Variants in BAZ2B observed in about 807,000 individuals in gnomAD.
BAZ2B encodes bromodomain adjacent to zinc finger domain 2B.
Under a neutral mutation model 246.0 loss-of-function variants are expected in BAZ2B, and 91 were observed. The ratio of observed to expected loss-of-function variants is 0.37; its 90% CI spans 0.31 to 0.44. The LOEUF (loss-of-function observed/expected upper bound fraction) is 0.44, where lower values mean the gene tolerates loss of function less well. BAZ2B is among the 20% of genes least tolerant of loss of function. The pLI is 1.00. For missense variants in BAZ2B, 2,332 were observed against 2,533.7 expected, an observed-to-expected ratio of 0.92 and a Z score of 1.71; for synonymous variants, 855 against 860.0, an observed-to-expected ratio of 0.99 and a Z score of 0.10.
At chr2:159,596,018 T>A (rs189729587) in intron 1 of BAZ2B, among the ~76,000 whole-genome samples, 1 of 152,250 alleles carries the variant, frequency 6.6e-6, no homozygotes, top group Non-Finnish European at 1.5e-5. Flanking sequence ...TTAAACACTT[T>A]AAATAAATTT....
intron 1 of BAZ2B, among the ~76,000 whole-genome samples, chr2:159,562,867 A>G (rs2090012423): frequency 6.6e-6 from 1 of 152,156 alleles, no homozygotes; most frequent in Non-Finnish European, 1.5e-5. Context: ...TGACCCTCGC[A>G]AGATTGCTTT....
intron 23 of BAZ2B, 92 bp from the exon 24 acceptor site, chr2:159,383,772 T>C (rs2062289491): frequency 4.5e-6 from 5 of 1,104,760 alleles, no homozygotes; most frequent in Non-Finnish European, 6.6e-6. Context: ...CGTAAATTAA[T>C]GCATTTTTGA....
Position 159,526,459 on chromosome 2 carries a change from A to C in BAZ2B, c.-3+29364T>G, listed in dbSNP as rs112981672. Among the ~76,000 whole-genome samples the C allele has an allele frequency of 2.6e-5, 4 of 152,282 alleles. 1 individual carries two copies. Among genetic ancestry groups the C allele is most frequent in the African/African-American group, 9.6e-5 (4 of 41,578 alleles). On this transcript the variant is annotated intron_variant, in intron 2 of 36. Transcript: ENST00000392783. ...TAGAGTAAAACCTTGGAAATATTGG[A>C]AAATGAAAAAATGAAAATATCACGG...
chr2:159,378,703 A>G (rs1360189022), intron 25 of BAZ2B, among the ~76,000 whole-genome samples: 3 of 152,210 alleles, frequency 2.0e-5, no homozygotes, highest in Admixed American at 1.3e-4. Context: ...AAAGATGTCC[A>G]ACATCACTAA....
rs186815175 is a variant in BAZ2B at position 159,353,093 on chromosome 2, C to T, written c.4214-2736G>A. On this transcript the variant is annotated intron_variant, in intron 27 of 36. Transcript: ENST00000392783. ...CTTTCCAAAACATGTAACTGTAGCT[C>T]ATCTGTAGTTCATTTTTGTGATCAG... 1.2e-3 allele frequency among the ~76,000 whole-genome samples: 187 copies of T among 152,306 alleles called. 1 individual carries two copies. Among genetic ancestry groups the T allele is most frequent in the African/African-American group, 4.4e-3 (183 of 41,576 alleles).
At chr2:159,586,754 CAT>C (rs1324808695) in intron 1 of BAZ2B, among the ~76,000 whole-genome samples, 1 of 151,918 alleles carries the variant, frequency 6.6e-6, no homozygotes, top group East Asian at 1.9e-4. Context: ...TAACTAAAAA[CAT>C]ATTGAAAAAT....
chr2:159,341,757 T>C (rs919686448), intron 31 of BAZ2B, among the ~76,000 whole-genome samples: 10 of 151,936 alleles, frequency 6.6e-5, no homozygotes, highest in African/African-American at 2.4e-4. Flanking sequence ...AACAACAGGG[T>C]CCTGAACAAC....
At position 159,332,648 on chromosome 2, in the gene BAZ2B, C is replaced by T. The variant is rs776451242; in HGVS notation, c.5835G>A (p.Leu1945=). 3 of 1,613,838 alleles carry T rather than the reference C, an allele frequency of 1.9e-6. No homozygotes were observed. In the East Asian group the frequency reaches 6.7e-5, roughly 36 times the overall value. Residue 1945 remains leucine, a synonymous_variant, in exon 34 of 37, where the codon CTG becomes CTA. Transcript: ENST00000392783. ...TGTCACAGCCATCACAAAGAAGAAG[C>T]AGTTCTTCATTATCTCCCTTTCGAC... ...QICRKGDNEE[L]LLLCDGCDKG...
At chr2:159,695,713 G>A in the BAZ2B span, among the ~76,000 whole-genome samples, 2 of 151,840 alleles carry the variant, frequency 1.3e-5, no homozygotes, top group Non-Finnish European at 2.9e-5. Flanking sequence ...TAGTTATAAA[G>A]TCTCAGTTCT....
Position 159,446,826 on chromosome 2 carries a change from T to C in BAZ2B, c.652A>G (p.Lys218Glu), listed in dbSNP as rs764346354. The change falls in exon 6 of 37, where the codon AAA (lysine) becomes GAA (glutamate). Residue 218 changes from lysine to glutamate, a missense_variant. Around this residue, in one of 9 missense-constraint regions of BAZ2B, gnomAD observed 161 missense variants for 225.8 expected, o/e 0.71. Coordinates refer to ENST00000392783, the MANE Select transcript of BAZ2B (RefSeq NM_013450.4). ...ACTCTAGCATCCAAAGGCTGGTTTT[T>C]GCTTTGTTCCTGATTACATTTTCGA... ...GNRKCNQEQS[K>E]NQPLDARVDK... is the part of the protein sequence containing the mutation. The C allele has an allele frequency of 6.2e-7, 1 of 1,612,024 alleles. No homozygotes were observed. The highest frequency in any genetic ancestry group is 1.1e-5 in the South Asian group (1 of 90,528).
At chr2:159,608,791 G>C (rs1295465700) in intron 1 of BAZ2B, among the ~76,000 whole-genome samples, 1 of 152,178 alleles carries the variant, frequency 6.6e-6, no homozygotes, top group African/African-American at 2.4e-5. Context: ...AAAAAGTACA[G>C]CCTACTATCA....
chr2:159,398,535 G>T (rs1411699607), intron 18 of BAZ2B, among the ~76,000 whole-genome samples: 1 of 151,926 alleles, frequency 6.6e-6, no homozygotes, highest in East Asian at 1.9e-4. Context: ...CAGTTTTGGG[G>T]GGGGTCATTC....
intron 36 of BAZ2B, among the ~76,000 whole-genome samples, chr2:159,324,260 A>C (rs2063132931): frequency 6.6e-6 from 1 of 152,164 alleles, no homozygotes; most frequent in Non-Finnish European, 1.5e-5. Context: ...TGGTAGAGAA[A>C]AGCAAATAAG....
chr2:159,527,951 A>T (rs1444270573), intron 2 of BAZ2B, among the ~76,000 whole-genome samples: 1 of 152,208 alleles, frequency 6.6e-6, no homozygotes, highest in East Asian at 1.9e-4. Context: ...AACAGCACTC[A>T]GTAAAGGCAA....
At chr2:159,376,863 T>C (rs1055660940) in intron 25 of BAZ2B, among the ~76,000 whole-genome samples, 13 of 152,094 alleles carry the variant, frequency 8.5e-5, no homozygotes, top group Admixed American at 5.2e-4. Flanking sequence ...TAAAAAAACC[T>C]TGGAAGAATA....
At chr2:159,391,716 G>A (rs1023072425) in intron 20 of BAZ2B, among the ~76,000 whole-genome samples, 2 of 152,050 alleles carry the variant, frequency 1.3e-5, no homozygotes, top group African/African-American at 4.8e-5. Flanking sequence ...TTTAGCTGGT[G>A]ACATGCAATA....
chr2:159,537,459 G>A (rs1423464656), intron 2 of BAZ2B, among the ~76,000 whole-genome samples: 1 of 152,230 alleles, frequency 6.6e-6, no homozygotes, highest in Non-Finnish European at 1.5e-5. Flanking sequence ...GGAGGAGACT[G>A]AGGAATCTAA....
intron 1 of BAZ2B, among the ~76,000 whole-genome samples, chr2:159,604,972 GGAGA>G (rs1423670968): frequency 8.6e-5 from 13 of 151,734 alleles, no homozygotes; most frequent in African/African-American, 2.2e-4. Context: ...GCGCGCGCTA[GGAGA>G]GAGAGAGAGC....
chr2:159,351,953 C>T (rs57927010), intron 27 of BAZ2B, among the ~76,000 whole-genome samples: 2,263 of 152,252 alleles, frequency 0.015, 53 homozygotes, highest in African/African-American at 0.051. Flanking sequence ...TACATCAATA[C>T]ACCTTCCCAG....
Sources: allele counts gnomAD v4.1 joint callset (sites outside exome capture counted in the v4.1 genomes callset), GRCh38; gene constraint gnomAD v4.1.1; regional missense constraint gnomAD v4.1.1; transcripts MANE v1.5; gene names NCBI Gene and HGNC (gene_info 2026-07-23, HGNC 2026-07-21).